UMAD1: variants seen among roughly 807,000 people sequenced by gnomAD.
UMAD1 encodes UBAP1-MVB12-associated (UMA) domain containing 1.
A neutral mutation model predicts 6.1 loss-of-function variants in UMAD1; 8 were observed. The observed-to-expected ratio is 1.30, with a 90% CI of 0.76 to 2.35. UMAD1 has a LOEUF of 2.35. Among genes scored for constraint, UMAD1 ranks in the 30% most tolerant of loss-of-function variants. The pLI, the probability that UMAD1 is intolerant of heterozygous loss-of-function variation, is 0.00. For missense variants in UMAD1, 130 were observed against 78.4 expected (o/e 1.66, Z -2.49); for synonymous variants, 56 against 31.4 (o/e 1.78, Z -2.61).
chr7:7,705,201 G>A (rs1272914943), intron 2 of UMAD1, among the ~76,000 whole-genome samples: 1 of 152,168 alleles, frequency 6.6e-6, no homozygotes, highest in African/African-American at 2.4e-5. Context: ...GGAATAGGAA[G>A]TGGCATATAA....
intron 2 of UMAD1, among the ~76,000 whole-genome samples, chr7:7,785,459 A>G (rs936863036): frequency 1.3e-5 from 2 of 152,112 alleles, no homozygotes; most frequent in Non-Finnish European, 2.9e-5. Flanking sequence ...TAGTCAGGGG[A>G]CCGATCATCC....
At chr7:7,868,447 G>T (rs749244231) in intron 3 of UMAD1, 2 of 152,062 alleles carry the variant, frequency 1.3e-5, no homozygotes, top group African/African-American at 4.8e-5. Context: ...TTGTATGTAC[G>T]TTCAGCTGGA....
At chr7:7,664,505 T>C (rs1430254740) in intron 1 of UMAD1, among the ~76,000 whole-genome samples, 1 of 152,228 alleles carries the variant, frequency 6.6e-6, no homozygotes, top group Non-Finnish European at 1.5e-5. Context: ...CTTCCCTTCT[T>C]TTGCAGTCTT....
chr7:7,826,221 T>C (rs1783337984), intron 3 of UMAD1, among the ~76,000 whole-genome samples: 1 of 152,146 alleles, frequency 6.6e-6, no homozygotes, highest in African/African-American at 2.4e-5. Context: ...GGTTTGTTTT[T>C]CTTTATCTAG....
In UMAD1 at chr7:7,790,126, A is replaced by C. The variant is rs190883957; in HGVS notation, c.83-11544A>C. Among the ~76,000 whole-genome samples the C allele has an allele frequency of 4.3e-4, 65 of 152,326 alleles. 1 individual carries two copies. In the East Asian group the frequency reaches 9.2e-3, roughly 22 times the overall value. On this transcript the variant is annotated intron_variant, in intron 2 of 3. Transcript: ENST00000682710. Reference sequence around the variant, plus strand: ...CTCTCTGTCTGCTTCAGTGTTTCTCAAAGTGTTGTCCATGTACCACTTGCA... The same window carrying C: ...CTCTCTGTCTGCTTCAGTGTTTCTCCAAGTGTTGTCCATGTACCACTTGCA...
intron 3 of UMAD1, among the ~76,000 whole-genome samples, chr7:7,861,950 C>G (rs147393863): frequency 6.6e-6 from 1 of 152,240 alleles, no homozygotes; most frequent in Non-Finnish European, 1.5e-5. Context: ...TTTTTGTGCT[C>G]AGACAACAGC....
At chr7:7,700,054 G>C (rs1252938158) in intron 2 of UMAD1, among the ~76,000 whole-genome samples, 1 of 152,158 alleles carries the variant, frequency 6.6e-6, no homozygotes, top group Admixed American at 6.5e-5. Flanking sequence ...TACTTCTGTG[G>C]AGGGTGTCTT....
intron 2 of UMAD1, among the ~76,000 whole-genome samples, chr7:7,695,589 C>T (rs1216660336): frequency 6.6e-6 from 1 of 152,086 alleles, no homozygotes; most frequent in Non-Finnish European, 1.5e-5. Flanking sequence ...CACTAGCAGC[C>T]GTAACACATT....
At chr7:7,871,041 C>T (rs1784322809) in intron 3 of UMAD1, among the ~76,000 whole-genome samples, 1 of 152,172 alleles carries the variant, frequency 6.6e-6, no homozygotes, top group Non-Finnish European at 1.5e-5. Context: ...TAATTATCAA[C>T]TCACAGACAA....
chr7:7,694,297 C>T (rs893933299), intron 2 of UMAD1, among the ~76,000 whole-genome samples: 1 of 152,020 alleles, frequency 6.6e-6, no homozygotes, highest in Non-Finnish European at 1.5e-5. Context: ...GATTTTGATA[C>T]AGGCATACAC....
chr7:7,831,611 G>A (rs1049139983), intron 3 of UMAD1, among the ~76,000 whole-genome samples: 2 of 152,118 alleles, frequency 1.3e-5, no homozygotes, highest in Non-Finnish European at 2.9e-5. Flanking sequence ...CTGGTGACTT[G>A]AGTCAGCGTT....
chr7:7,842,409 A>G (rs1422730219), intron 3 of UMAD1, among the ~76,000 whole-genome samples: 4 of 152,160 alleles, frequency 2.6e-5, no homozygotes, highest in African/African-American at 9.7e-5. Context: ...ACCGAGACCT[A>G]GACAGCTTTA....
At chr7:7,788,807 C>T (rs1168596234) in intron 2 of UMAD1, among the ~76,000 whole-genome samples, 1 of 152,180 alleles carries the variant, frequency 6.6e-6, no homozygotes, top group Admixed American at 6.5e-5. Context: ...TCTTCCCATT[C>T]TAGTGACATC....
chr7:7,718,803 A>G (rs977185103), intron 2 of UMAD1, among the ~76,000 whole-genome samples: 1 of 152,170 alleles, frequency 6.6e-6, no homozygotes, highest in African/African-American at 2.4e-5. Flanking sequence ...AAGCAATACC[A>G]GCATTAGCTT....
At chr7:7,844,966 C>T (rs908125188) in intron 3 of UMAD1, among the ~76,000 whole-genome samples, 6 of 152,088 alleles carry the variant, frequency 3.9e-5, no homozygotes, top group African/African-American at 1.4e-4. Context: ...AGAATCCCCA[C>T]CCAAGGTAAA....
chr7:7,769,021 C>T (rs1020846519), intron 2 of UMAD1, among the ~76,000 whole-genome samples: 3 of 152,120 alleles, frequency 2.0e-5, no homozygotes, highest in Non-Finnish European at 4.4e-5. Context: ...AGGACCAGTG[C>T]ATTGTGAATT....
chr7:7,841,594 AC>A (rs1425172682), intron 3 of UMAD1, among the ~76,000 whole-genome samples: 8 of 152,182 alleles, frequency 5.3e-5, no homozygotes, highest in African/African-American at 1.9e-4. Context: ...GTGAACCACC[AC>A]ACCTGGCTCA....
chr7:7,829,886 A>G (rs374333149), intron 3 of UMAD1, among the ~76,000 whole-genome samples: 4 of 152,224 alleles, frequency 2.6e-5, no homozygotes, highest in South Asian at 2.1e-4. Flanking sequence ...ACATTTAATT[A>G]TATTCACTAG....
intron 2 of UMAD1, among the ~76,000 whole-genome samples, chr7:7,679,689 T>TTATATATTTAATTTATAGATAAATATA (rs1779854749): frequency 7.8e-6 from 1 of 127,636 alleles, no homozygotes; most frequent in African/African-American, 3.1e-5. Flanking sequence ...AAATATATAT[T>TTATATATTTAATTTATAGATAAATATA]TATATATTTA....
Sources: allele counts gnomAD v4.1 joint callset (sites outside exome capture counted in the v4.1 genomes callset), GRCh38; gene constraint gnomAD v4.1.1; transcripts MANE v1.5; gene names NCBI Gene and HGNC (gene_info 2026-07-23, HGNC 2026-07-21).